Variants in DHX30 observed in about 807,000 individuals in gnomAD.
DHX30 encodes the protein ATP-dependent RNA helicase DHX30.
Under a neutral mutation model 116.9 loss-of-function variants are expected in DHX30, and 4 were observed. The observed-to-expected ratio is 0.03, with a 90% CI of 0.02 to 0.08. The LOEUF is 0.08. Ranked by LOEUF, DHX30 falls within the 10% of genes least tolerant of loss-of-function variation. DHX30 has a pLI of 1.00. For missense variants in DHX30, 871 were observed against 1,595.1 expected (o/e 0.55, Z 7.73); for synonymous variants, 697 against 651.7 (o/e 1.07, Z -1.06).
At chr3:47,830,442 C>T (rs1340011253) in intron 6 of DHX30, among the ~76,000 whole-genome samples, 4 of 150,826 alleles carry the variant, frequency 2.7e-5, no homozygotes, top group Non-Finnish European at 5.9e-5. Context: ...GATGAGACTC[C>T]GTCACAAAAA....
In DHX30 at chr3:47,829,140, C is replaced by G. The variant is rs375325678; in HGVS notation, c.366+6C>G. 20 of 1,518,526 alleles carry G rather than the reference C, an allele frequency of 1.3e-5. No individual in the cohort carries two copies. The East Asian group carries it at 4.5e-4, about 35-fold the overall frequency. The allele number at this position is 1,518,526 out of a possible 1,614,324, so 94.1% of individuals were successfully genotyped here. ...CAGCCTGCCAGCTGTTCAAGGTGAC[C>G]CTTCCTCAGTGAAAGCCACTGAGAC... On this transcript the variant is annotated splice_donor_region_variant and intron_variant, in intron 6 of 21. Coordinates refer to ENST00000445061, the MANE Select transcript of DHX30 (RefSeq NM_138615.3).
Position 47,849,998 on chromosome 3 carries a change from A to G in DHX30, c.3463A>G (p.Ser1155Gly). The change falls in exon 22 of 22, where the codon AGC becomes GGC. Residue 1155 changes from serine to glycine, a missense_variant. Physicochemically the swap from Ser to Gly is moderately conservative, Grantham distance 56. Transcript: ENST00000445061. ...CCGCATGGTGGAGCGGAGCCTGCGC[A>G]GCGAGCTGGCTGCACTTCCCCCCAG... ...LGRMVERSLR[S>G]ELAALPPSVQ... is the part of the protein sequence containing the mutation. The G allele has an allele frequency of 6.2e-7, 1 of 1,612,004 alleles. No homozygotes were observed. The highest frequency in any genetic ancestry group is 8.5e-7 in the Non-Finnish European group (1 of 1,179,564).
At chr3:47,819,226 AC>A (rs1559693691) in intron 4 of DHX30, 15 of 1,367,766 alleles carry the variant, frequency 1.1e-5, no homozygotes, top group Non-Finnish European at 1.5e-5. Context: ...ATGCCCTGTA[AC>A]TCGAAAAGGC....
At chr3:47,825,033 G>A (rs2036482506) in intron 4 of DHX30, 7 of 650,908 alleles carry the variant, frequency 1.1e-5, no homozygotes, top group South Asian at 3.2e-5. Context: ...GGGTCGGCGG[G>A]AGCACGATGG....
Position 47,850,072 on chromosome 3 carries a change from G to C in DHX30, c.3537G>C (p.Leu1179=), listed in dbSNP as rs933408739. Reference sequence around the variant, plus strand: ...TGCTTGCGCTACTGGCAGAGCTGCTGCGAGGACCCTGTGGCAGCTTTGATG... The same window carrying C: ...TGCTTGCGCTACTGGCAGAGCTGCTCCGAGGACCCTGTGGCAGCTTTGATG... ...GQLLALLAEL[L]RGPCGSFDVR... The change falls in exon 22 of 22, where the codon CTG becomes CTC. Residue 1179 remains leucine (L), a synonymous_variant. Coordinates refer to ENST00000445061, the MANE Select transcript of DHX30 (RefSeq NM_138615.3). 1 of 1,597,682 alleles carries C rather than the reference G, an allele frequency of 6.3e-7. No homozygotes were observed. Among genetic ancestry groups the C allele is most frequent in the Non-Finnish European group, 8.5e-7 (1 of 1,174,064 alleles).
chr3:47,806,134 AT>A (rs1311970250), intron 2 of DHX30, among the ~76,000 whole-genome samples: 5 of 134,212 alleles, frequency 3.7e-5, no homozygotes, highest in Non-Finnish European at 6.4e-5. Flanking sequence ...AGCCCGGCTA[AT>A]TTTTTTGTAT....
chr3:47,825,670 A>G (rs958932422), intron 4 of DHX30, among the ~76,000 whole-genome samples: 1 of 152,150 alleles, frequency 6.6e-6, no homozygotes, highest in African/African-American at 2.4e-5. Flanking sequence ...TGTGCCTCCC[A>G]AATAGTGCAG....
intron 2 of DHX30, among the ~76,000 whole-genome samples, chr3:47,806,232 C>T (rs1189364601): frequency 6.6e-6 from 1 of 151,382 alleles, no homozygotes; most frequent in Non-Finnish European, 1.5e-5. Flanking sequence ...CAACCTCTGC[C>T]TCCTGGGTTC....
chr3:47,847,020 C>T lies in DHX30; in HGVS notation c.1929+19C>T. On this transcript the variant is annotated intron_variant, in intron 11 of 21. Coordinates refer to ENST00000445061, the MANE Select transcript of DHX30 (RefSeq NM_138615.3). The surrounding 1 kb of genome is among the most constrained non-coding windows in gnomAD (Gnocchi z 5.5). ...CCATGAGGTGAGGGACACCCCCATC[C>T]CACCCAAGGCTCCTGGCCTTTCCTC... The T allele has an allele frequency of 6.3e-7, 1 of 1,597,168 alleles. No individual in the cohort carries two copies. Among genetic ancestry groups the T allele is most frequent in the Non-Finnish European group, 8.5e-7 (1 of 1,170,530 alleles).
At chr3:47,824,279 A>G (rs2036436102) in intron 4 of DHX30, among the ~76,000 whole-genome samples, 1 of 152,094 alleles carries the variant, frequency 6.6e-6, no homozygotes, top group South Asian at 2.1e-4. Flanking sequence ...CTGGGATTAC[A>G]GGCGTGAGCC....
rs756461589 is a variant in DHX30, at chr3:47,849,365, G to A, written c.3087+16G>A. 6.9e-6 allele frequency: 11 copies of A among 1,605,822 alleles called. No individual in the cohort carries two copies. Among genetic ancestry groups the A allele is most frequent in the Non-Finnish European group, 7.7e-6 (9 of 1,174,790 alleles). On this transcript the variant is annotated intron_variant, in intron 19 of 21. Coordinates refer to ENST00000445061, the MANE Select transcript of DHX30 (RefSeq NM_138615.3). Reference sequence around the variant, plus strand: ...CCTCATCCAGGTGCTGCCTCTGGGAGGGAATGGAGTTCACCAGGTCCCAGC... The same window carrying A: ...CCTCATCCAGGTGCTGCCTCTGGGAAGGAATGGAGTTCACCAGGTCCCAGC...
intron 3 of DHX30, among the ~76,000 whole-genome samples, chr3:47,814,834 A>AGTTTT (rs1248379874): frequency 6.6e-6 from 1 of 151,156 alleles, no homozygotes; most frequent in Non-Finnish European, 1.5e-5. Context: ...TTTGTTAGTT[A>AGTTTT]GTTTTGTTTT....
At chr3:47,841,519 C>G (rs1476602113) in intron 7 of DHX30, 98 bp from the exon 8 acceptor site, 1 of 1,539,212 alleles carries the variant, frequency 6.5e-7, no homozygotes, top group Non-Finnish European at 8.8e-7. Context: ...TTCTGGCTCC[C>G]TGCTGCAGCG....
chr3:47,808,142 T>A (rs2035617746), intron 2 of DHX30, among the ~76,000 whole-genome samples: 1 of 151,524 alleles, frequency 6.6e-6, no homozygotes, highest in Non-Finnish European at 1.5e-5. Context: ...ACTCCCGACC[T>A]CAGGTGATCT....
intron 8 of DHX30, chr3:47,842,816 C>T (rs559233330): frequency 9.8e-6 from 3 of 307,658 alleles, no homozygotes; most frequent in African/African-American, 4.3e-5. Flanking sequence ...ACAGCTGCCA[C>T]GATGTTGCCG....
intron 8 of DHX30, 44 bp downstream of exon 8, chr3:47,841,781 G>C: frequency 6.2e-7 from 1 of 1,613,824 alleles, no homozygotes; most frequent in Non-Finnish European, 8.5e-7. Context: ...CCGTTTACTT[G>C]GTCATGTCTG....
chr3:47,833,481 G>A (rs1249795201), intron 6 of DHX30, among the ~76,000 whole-genome samples: 8 of 138,230 alleles, frequency 5.8e-5, no homozygotes, highest in African/African-American at 1.1e-4. Context: ...GCAGTGAGCC[G>A]AGATCATACC....
chr3:47,824,862 G>C (rs1480817254), intron 4 of DHX30: 1 of 457,496 alleles, frequency 2.2e-6, no homozygotes, highest in African/African-American at 2.1e-5. Context: ...GCAGCGCCGA[G>C]CCCGCCTACT....
rs1441440221 is a variant in DHX30 at position 47,841,175 on chromosome 3, C to T, written c.665C>T (p.Ser222Leu). The change falls in exon 7 of 22, where the codon TCA (serine) becomes TTA (leucine). Residue 222 changes from serine (S) to leucine (L), a missense_variant. Physicochemically the swap from Ser to Leu is moderately radical, Grantham distance 145. Around this residue, in one of 13 missense-constraint regions of DHX30, gnomAD observed 109 missense variants for 118.8 expected, o/e 0.92. Transcript: ENST00000445061. The part of the protein sequence containing the change: ...QQDSHAPLRD[S>L]RGSSFEMTDD... ...GATTCCCACGCTCCACTCAGGGACT[C>T]AAGGTACAGATGGAGGATGGGGATG... 1.2e-6 allele frequency: 2 copies of T among 1,613,352 alleles called. No homozygotes were observed. The highest frequency in any genetic ancestry group is 8.5e-7 in the Non-Finnish European group (1 of 1,179,960).
Sources: allele counts gnomAD v4.1 joint callset (sites outside exome capture counted in the v4.1 genomes callset), GRCh38; gene constraint gnomAD v4.1.1; regional missense constraint gnomAD v4.1.1; non-coding constraint Gnocchi (gnomAD v3.1); transcripts MANE v1.5; gene names NCBI Gene and HGNC (gene_info 2026-07-23, HGNC 2026-07-21).